The following CSMD1 variants were observed in gnomAD, a reference collection of about 807,000 sequenced individuals.
CSMD1 encodes CUB and Sushi multiple domains 1.
Under a neutral mutation model 417.5 loss-of-function variants are expected in CSMD1, and 213 were observed. The observed-to-expected ratio is 0.51, with a 90% CI of 0.46 to 0.57. The LOEUF (loss-of-function observed/expected upper bound fraction) is 0.57. Ranked by LOEUF, CSMD1 falls within the 20% of genes least tolerant of loss-of-function variation. The pLI is 0.00. For missense variants in CSMD1, 6,923 were observed against 4,529.7 expected, an observed-to-expected ratio of 1.53 and a Z score of -15.17; for synonymous variants, 2,862 against 1,736.8, an observed-to-expected ratio of 1.65 and a Z score of -16.11.
At chr8:4,121,848 C>T (rs1004037844) in intron 3 of CSMD1, among the ~76,000 whole-genome samples, 1 of 151,924 alleles carries the variant, frequency 6.6e-6, no homozygotes, top group Non-Finnish European at 1.5e-5. Context: ...AAAAAGCATT[C>T]TTTTTTCAAT....
intron 3 of CSMD1, among the ~76,000 whole-genome samples, chr8:4,406,792 T>C (rs969516145): frequency 3.3e-5 from 5 of 152,222 alleles, no homozygotes; most frequent in African/African-American, 1.2e-4. Flanking sequence ...AGTCATCTGG[T>C]GTTTGATGAA....
chr8:3,922,724 A>G (rs1391581268), intron 5 of CSMD1, among the ~76,000 whole-genome samples: 1 of 151,914 alleles, frequency 6.6e-6, no homozygotes, highest in African/African-American at 2.4e-5. Flanking sequence ...CATCTTTTTT[A>G]TATTTTGTAT....
chr8:4,070,864 C>G (rs1178471932), intron 3 of CSMD1, among the ~76,000 whole-genome samples: 1 of 152,214 alleles, frequency 6.6e-6, no homozygotes, highest in Non-Finnish European at 1.5e-5. Context: ...TCTAGGTTGA[C>G]AGTTCCTTTT....
chr8:3,807,114 T>C lies in CSMD1; in HGVS notation c.819-53072A>G, dbSNP rs1475480647. 2.0e-5 allele frequency among the ~76,000 whole-genome samples: 3 copies of C among 152,136 alleles called. No individual in the cohort carries two copies. In the East Asian group the frequency reaches 5.8e-4, roughly 29 times the overall value. ...CACTGGGGGAAGGTTAAATTGACTT[T>C]AATAGGGCACATTTCCTAAAGAAAA... is the stretch of plus-strand genomic sequence containing the variant. On this transcript the variant is annotated intron_variant, in intron 5 of 69. Transcript: ENST00000635120.
At chr8:3,776,104 C>A (rs1264379725) in intron 5 of CSMD1, among the ~76,000 whole-genome samples, 1 of 152,148 alleles carries the variant, frequency 6.6e-6, no homozygotes, top group Non-Finnish European at 1.5e-5. Flanking sequence ...CCATCCTCCC[C>A]CATCCTTCCT....
intron 3 of CSMD1, among the ~76,000 whole-genome samples, chr8:4,381,869 C>T (rs543907110): frequency 6.6e-5 from 10 of 152,226 alleles, no homozygotes; most frequent in East Asian, 1.9e-4. Context: ...GCTCTCTTTG[C>T]GGACCTTTTT....
intron 1 of CSMD1, among the ~76,000 whole-genome samples, chr8:4,922,176 C>T (rs994930143): frequency 2.0e-5 from 3 of 151,992 alleles, no homozygotes; most frequent in African/African-American, 7.2e-5. Flanking sequence ...GGGTGAAGTA[C>T]TGCCTGTGTG....
At chr8:3,968,567 C>G (rs1260447213) in intron 5 of CSMD1, among the ~76,000 whole-genome samples, 3 of 151,988 alleles carry the variant, frequency 2.0e-5, no homozygotes, top group Non-Finnish European at 2.9e-5. Context: ...TGAACAATAA[C>G]CAAGAGAACA....
chr8:4,642,356 G>C (rs1803245848), intron 1 of CSMD1, among the ~76,000 whole-genome samples: 1 of 152,152 alleles, frequency 6.6e-6, no homozygotes, highest in Admixed American at 6.5e-5. Context: ...CATCATTTCT[G>C]AGATGAACTA....
rs552731957 is a variant in CSMD1, at chr8:3,063,057, T to C, written c.7475-10410A>G. Among the ~76,000 whole-genome samples the C allele has an allele frequency of 2.6e-5, 4 of 152,258 alleles. No homozygotes were observed. In the South Asian group the frequency reaches 6.2e-4, roughly 24 times the overall value. On this transcript the variant is annotated intron_variant, in intron 49 of 69. Transcript: ENST00000635120. ...ATTCGGATGCCAACCACCAATGTCC[T>C]ATGGAACCCAAGAGTCCCAGGCTCA...
At chr8:3,663,488 A>G (rs1798524896) in intron 7 of CSMD1, among the ~76,000 whole-genome samples, 1 of 152,108 alleles carries the variant, frequency 6.6e-6, no homozygotes, top group Non-Finnish European at 1.5e-5. Context: ...AGGAAAATGA[A>G]CCTCAGGGCC....
chr8:4,919,591 T>G (rs370630637), intron 1 of CSMD1, among the ~76,000 whole-genome samples: 3 of 152,228 alleles, frequency 2.0e-5, no homozygotes, highest in Non-Finnish European at 4.4e-5. Context: ...CAGTACTCAG[T>G]ACACTAAATG....
chr8:4,798,082 G>A (rs779931484), intron 1 of CSMD1, among the ~76,000 whole-genome samples: 4 of 152,176 alleles, frequency 2.6e-5, no homozygotes, highest in Non-Finnish European at 4.4e-5. Flanking sequence ...TTAAGTATGT[G>A]TAAATGTGCC....
chr8:4,395,908 T>A lies in CSMD1; in HGVS notation c.415+24045A>T, dbSNP rs1307209039. ...ATCTAGAAACACATATAAGTGTAAT[T>A]GTAAGTCTGACAGTTTTTGTAACCG... On this transcript the variant is annotated intron_variant, in intron 3 of 69. Transcript: ENST00000635120. 3.3e-5 allele frequency among the ~76,000 whole-genome samples: 5 copies of A among 152,342 alleles called. No individual in the cohort carries two copies. The South Asian group carries it at 1.0e-3, about 32-fold the overall frequency.
intron 3 of CSMD1, among the ~76,000 whole-genome samples, chr8:4,131,557 T>G (rs1474835436): frequency 6.6e-6 from 1 of 152,146 alleles, no homozygotes; most frequent in Non-Finnish European, 1.5e-5. Context: ...CTGTAGAAAA[T>G]ATTTTTCTCA....
chr8:4,181,517 C>A (rs539230270), intron 3 of CSMD1, among the ~76,000 whole-genome samples: 3 of 151,984 alleles, frequency 2.0e-5, no homozygotes, highest in Non-Finnish European at 4.4e-5. Context: ...CACCAGAAAA[C>A]CTTACAATAT....
chr8:4,175,340 T>G (rs995874183), intron 3 of CSMD1, among the ~76,000 whole-genome samples: 1 of 152,162 alleles, frequency 6.6e-6, no homozygotes, highest in African/African-American at 2.4e-5. Context: ...TCTTCGTCAC[T>G]TTTTTCTAAA....
rs901390581 is a variant in CSMD1, at chr8:3,808,928, G to C, written c.819-54886C>G. Among the ~76,000 whole-genome samples, 7 of 152,264 alleles carry C rather than the reference G, an allele frequency of 4.6e-5. No individual in the cohort carries two copies. The South Asian group carries it at 1.4e-3, about 32-fold the overall frequency. Reference sequence around the variant, plus strand: ...CTAGTCAGGCAAGCCTCAATTCCGTGTTAGTGCTATGTAGAGGGGTCGTTT... The same window carrying C: ...CTAGTCAGGCAAGCCTCAATTCCGTCTTAGTGCTATGTAGAGGGGTCGTTT... On this transcript the variant is annotated intron_variant, in intron 5 of 69. Coordinates refer to ENST00000635120, the MANE Select transcript of CSMD1 (RefSeq NM_033225.6).
chr8:3,628,441 G>C (rs2117236386), intron 7 of CSMD1, among the ~76,000 whole-genome samples: 1 of 152,330 alleles, frequency 6.6e-6, no homozygotes, highest in African/African-American at 2.4e-5. Context: ...TTAACCGTAA[G>C]TCATGAATTT....
Sources: allele counts gnomAD v4.1 joint callset (sites outside exome capture counted in the v4.1 genomes callset), GRCh38; gene constraint gnomAD v4.1.1; transcripts MANE v1.5; gene names NCBI Gene and HGNC (gene_info 2026-07-23, HGNC 2026-07-21).